Variants in CDH23 observed in about 807,000 individuals in gnomAD.
CDH23 encodes the protein cadherin related 23, also known as cadherin-23.
CDH23 carries 189 observed loss-of-function variants against 317.1 expected under a neutral mutation model. The observed-to-expected ratio is 0.60, with a 90% CI of 0.53 to 0.67. CDH23 has a LOEUF of 0.67. Among genes scored for constraint, CDH23 ranks in the 30% least tolerant of loss-of-function variants. CDH23 has a pLI of 0.00. For missense variants in CDH23, 4,401 were observed against 4,592.4 expected, an observed-to-expected ratio of 0.96 and a Z score of 1.20; for synonymous variants, 1,839 against 1,876.8, an observed-to-expected ratio of 0.98 and a Z score of 0.52.
chr10:71,612,912 G>A (rs1295934700), intron 9 of CDH23, among the ~76,000 whole-genome samples: 1 of 151,652 alleles, frequency 6.6e-6, no homozygotes, highest in African/African-American at 2.4e-5. Context: ...GCAGTGGTGT[G>A]ATCTCGGCTC....
intron 14 of CDH23, among the ~76,000 whole-genome samples, chr10:71,663,146 C>T (rs1053488111): frequency 6.6e-6 from 1 of 152,166 alleles, no homozygotes; most frequent in East Asian, 1.9e-4. Flanking sequence ...TTTGTGGGTC[C>T]CAGAGGTTGG....
intron 1 of CDH23, among the ~76,000 whole-genome samples, chr10:71,421,317 GC>G (rs1228728179): frequency 6.6e-6 from 1 of 152,164 alleles, no homozygotes; most frequent in Non-Finnish European, 1.5e-5. Flanking sequence ...TGGCCTGTTG[GC>G]CCCCTGCCCT....
intron 21 of CDH23, among the ~76,000 whole-genome samples, chr10:71,694,565 T>A (rs545860546): frequency 1.3e-5 from 2 of 152,180 alleles, no homozygotes; most frequent in East Asian, 3.9e-4. Flanking sequence ...GGCCCCTCCT[T>A]GCCTTGGTGC....
At chr10:71,581,602 C>G (rs1248361528) in intron 9 of CDH23, among the ~76,000 whole-genome samples, 2 of 152,258 alleles carry the variant, frequency 1.3e-5, no homozygotes, top group East Asian at 1.9e-4. Context: ...GCCTTCAGCA[C>G]TAAGTTATGG....
At chr10:71,610,342 C>T (rs1392513859) in intron 9 of CDH23, among the ~76,000 whole-genome samples, 6 of 152,216 alleles carry the variant, frequency 3.9e-5, no homozygotes, top group Admixed American at 3.9e-4. Flanking sequence ...TTTGTTGACA[C>T]TCCACTCTAT....
At chr10:71,578,495 C>CG (rs753970538) in intron 9 of CDH23, among the ~76,000 whole-genome samples, 4 of 152,154 alleles carry the variant, frequency 2.6e-5, no homozygotes, top group African/African-American at 7.2e-5. Flanking sequence ...TGGAATGTTG[C>CG]GGGGGGGAAC....
In CDH23 at chr10:71,677,495, T is replaced by A; in HGVS notation, c.1554T>A (p.Ile518=). 2 of 1,611,956 alleles carry A rather than the reference T, an allele frequency of 1.2e-6. No individual in the cohort carries two copies. Among genetic ancestry groups the A allele is most frequent in the Non-Finnish European group, 1.7e-6 (2 of 1,179,312 alleles). The part of the protein sequence containing the change: ...LDKDTGLIML[I]ARLDYELIQR... The stretch of plus-strand genomic sequence containing the variant: ...AGGACACGGGACTCATCATGCTGAT[T>A]GCCAGGCTGGACTATGAGCTCATCC... Residue 518 remains isoleucine (I), a synonymous_variant, in exon 16 of 70, where the codon ATT becomes ATA. Coordinates refer to ENST00000224721, the MANE Select transcript of CDH23 (RefSeq NM_022124.6).
chr10:71,547,023 T>C (rs1367732385), intron 6 of CDH23, among the ~76,000 whole-genome samples: 1 of 152,210 alleles, frequency 6.6e-6, no homozygotes, highest in Non-Finnish European at 1.5e-5. Context: ...GTGATGTTTT[T>C]CAGTACCTGT....
intron 1 of CDH23, among the ~76,000 whole-genome samples, chr10:71,405,810 G>C (rs554581264): frequency 2.6e-5 from 4 of 152,242 alleles, no homozygotes; most frequent in Non-Finnish European, 4.4e-5. Context: ...AACCCATCCT[G>C]TCTGTGCTTT....
intron 1 of CDH23, among the ~76,000 whole-genome samples, chr10:71,434,216 C>G (rs536513489): frequency 6.6e-6 from 1 of 152,330 alleles, no homozygotes; most frequent in African/African-American, 2.4e-5. Context: ...TATGTCACCT[C>G]CCCAGTGACC....
intron 11 of CDH23, among the ~76,000 whole-genome samples, chr10:71,618,273 G>A (rs544401275): frequency 5.9e-5 from 9 of 152,054 alleles, no homozygotes; most frequent in Admixed American, 5.9e-4. Flanking sequence ...AGGAAGTAAG[G>A]GAGAGCTGCA....
At chr10:71,547,057 C>T (rs924883745) in intron 6 of CDH23, among the ~76,000 whole-genome samples, 2 of 152,186 alleles carry the variant, frequency 1.3e-5, no homozygotes, top group African/African-American at 2.4e-5. Context: ...CTGGGCCGGG[C>T]CCTGGGGACA....
chr10:71,530,202 T>C (rs1855290351), intron 6 of CDH23, among the ~76,000 whole-genome samples: 1 of 152,206 alleles, frequency 6.6e-6, no homozygotes, highest in African/African-American at 2.4e-5. Flanking sequence ...AGCTTATCTC[T>C]GTCAGCCAGG....
In CDH23 at chr10:71,806,259, A is replaced by T; in HGVS notation, c.8156A>T (p.Glu2719Val). The T allele has an allele frequency of 4.5e-6, 7 of 1,565,508 alleles. No individual in the cohort carries two copies. Among genetic ancestry groups the T allele is most frequent in the Non-Finnish European group, 6.1e-6 (7 of 1,155,420 alleles). Residue 2719 changes from glutamate to valine, a missense_variant, in exon 57 of 70, where the codon GAA becomes GTA. By Grantham distance (121) the Glu-to-Val change is moderately radical (BLOSUM62 -2). This residue lies in a region of CDH23 where 1,144 missense variants were observed against 1,138.2 expected (regional missense o/e 1.01). Coordinates refer to ENST00000224721, the MANE Select transcript of CDH23 (RefSeq NM_022124.6). ...QVALEDIDDN[E>V]PLFVRPPKGS... ...GCCCTGGAGGACATCGATGACAACG[A>T]ACCCCTTTTCGTGAGGCCTCCAGTG...
In CDH23 at chr10:71,735,527, C is replaced by T. The variant is rs373994977; in HGVS notation, c.4209+869C>T. 2.2e-3 allele frequency among the ~76,000 whole-genome samples: 338 copies of T among 152,284 alleles called. 2 individuals carry two copies. In the Middle Eastern group the frequency reaches 0.031, roughly 14 times the overall value. Reference sequence around the variant, plus strand: ...CAGGACACTCAGCCATCAATCTGGCCTGGACACTGGCCAGTCACATCAGCT... The same window carrying T: ...CAGGACACTCAGCCATCAATCTGGCTTGGACACTGGCCAGTCACATCAGCT... On this transcript the variant is annotated intron_variant, in intron 34 of 69. Transcript: ENST00000224721.
At position 71,551,153 on chromosome 10, in the gene CDH23, G is replaced by A. The variant is rs184895214; in HGVS notation, c.430-15589G>A. On this transcript the variant is annotated intron_variant, in intron 6 of 69. Coordinates refer to ENST00000224721, the MANE Select transcript of CDH23 (RefSeq NM_022124.6). The stretch of plus-strand genomic sequence containing the variant: ...TGTGAGTGTCACGAGGACTTCCGTC[G>A]AAATTCCGCATTAATTAACGTACCA... 1.8e-4 allele frequency among the ~76,000 whole-genome samples: 28 copies of A among 152,330 alleles called. No homozygotes were observed. The East Asian group carries it at 4.2e-3, about 23-fold the overall frequency.
chr10:71,484,231 T>C (rs1852224072), intron 3 of CDH23, among the ~76,000 whole-genome samples: 1 of 152,220 alleles, frequency 6.6e-6, no homozygotes, highest in South Asian at 2.1e-4. Context: ...TGCTCTTAAA[T>C]AGCTTCATTT....
chr10:71,429,851 T>C (rs1004099440), intron 1 of CDH23, among the ~76,000 whole-genome samples: 1 of 152,254 alleles, frequency 6.6e-6, no homozygotes. Context: ...CTTGCAAGGA[T>C]CTGTGGGTCT....
intron 9 of CDH23, among the ~76,000 whole-genome samples, chr10:71,584,536 G>A (rs1445053812): frequency 7.3e-6 from 1 of 137,714 alleles, no homozygotes; most frequent in Non-Finnish European, 1.5e-5. Context: ...TGCTTTGAAG[G>A]GAAGTCTGTG....
Sources: gnomAD v4.1 joint callset for allele counts (sites outside exome capture counted in the v4.1 genomes callset) on GRCh38, gnomAD v4.1.1 for gene constraint, gnomAD v4.1.1 regional missense constraint, MANE v1.5 for transcripts, NCBI Gene and HGNC (gene_info 2026-07-23, HGNC 2026-07-21) for gene names.